SLIT3: variants seen among roughly 807,000 people sequenced by gnomAD.
SLIT3 encodes the protein slit guidance ligand 3.
SLIT3 carries 68 observed loss-of-function variants against 184.0 expected under a neutral mutation model. The ratio of observed to expected loss-of-function variants is 0.37; its 90% CI spans 0.30 to 0.45. SLIT3 has a LOEUF of 0.45. SLIT3 is among the 20% of genes least tolerant of loss of function. The probability of loss-of-function intolerance (pLI) is 1.00; values close to 1 mark genes in which losing one functional copy is unlikely to be tolerated. For missense variants in SLIT3, 1,707 were observed against 2,026.0 expected, an observed-to-expected ratio of 0.84 and a Z score of 3.02; for synonymous variants, 831 against 828.6, an observed-to-expected ratio of 1.00 and a Z score of -0.05.
intron 4 of SLIT3, among the ~76,000 whole-genome samples, chr5:168,884,178 G>T (rs62377161): frequency 0.08 from 12,067 of 150,206 alleles, 620 homozygotes; most frequent in Middle Eastern, 0.12. Context: ...CACTAAGAAC[G>T]CAGGCCTGCT....
chr5:169,060,426 G>C (rs1758140065), intron 4 of SLIT3, among the ~76,000 whole-genome samples: 1 of 150,600 alleles, frequency 6.6e-6, no homozygotes, highest in East Asian at 1.9e-4. Flanking sequence ...AAAAAACACT[G>C]AGAAATAAAT....
chr5:169,061,786 TC>T (rs1456174714), intron 4 of SLIT3, among the ~76,000 whole-genome samples: 3 of 152,132 alleles, frequency 2.0e-5, no homozygotes, highest in Non-Finnish European at 4.4e-5. Context: ...TCATCATTCA[TC>T]TCAGATCATG....
intron 12 of SLIT3, among the ~76,000 whole-genome samples, chr5:168,778,699 G>A (rs1281220037): frequency 6.6e-6 from 1 of 152,220 alleles, no homozygotes; most frequent in East Asian, 1.9e-4. Context: ...CCCTTACTCT[G>A]AGCAGGCCAG....
chr5:169,124,123 C>T (rs1760990658), intron 4 of SLIT3, among the ~76,000 whole-genome samples: 1 of 152,044 alleles, frequency 6.6e-6, no homozygotes, highest in African/African-American at 2.4e-5. Context: ...TGTAAAGGGC[C>T]CCCTTTTTTC....
At position 168,704,340 on chromosome 5, in the gene SLIT3, G is replaced by A. The variant is rs192201272; in HGVS notation, c.2844+3636C>T. Among the ~76,000 whole-genome samples, 329 of 152,188 alleles carry A rather than the reference G, an allele frequency of 2.2e-3. 37 individuals are homozygous for A. Among genetic ancestry groups the A allele is most frequent in the African/African-American group, 7.2e-3 (297 of 41,482 alleles). On this transcript the variant is annotated intron_variant, in intron 26 of 35. Transcript: ENST00000519560. ...TTTGTGAAGTATCTACTGAATCCTG[G>A]CACTGAGGTAGGCAAAGTACACACA... is the stretch of plus-strand genomic sequence containing the variant.
intron 4 of SLIT3, among the ~76,000 whole-genome samples, chr5:168,955,566 G>A (rs1412511852): frequency 2.0e-5 from 3 of 152,184 alleles, no homozygotes; most frequent in Admixed American, 6.5e-5. Flanking sequence ...CAAACCCCAT[G>A]GCCCTGGTGG....
intron 11 of SLIT3, among the ~76,000 whole-genome samples, chr5:168,789,223 C>G (rs1364920561): frequency 7.8e-6 from 1 of 128,022 alleles, no homozygotes; most frequent in Non-Finnish European, 1.5e-5. Context: ...TCTCCTTACA[C>G]CAGAAAGATA....
At chr5:169,250,040 C>T (rs1679450908) in intron 2 of SLIT3, among the ~76,000 whole-genome samples, 1 of 152,198 alleles carries the variant, frequency 6.6e-6, no homozygotes, top group Non-Finnish European at 1.5e-5. Flanking sequence ...GTTTTCTTAG[C>T]TTTCTATAAT....
chr5:168,882,791 CT>C (rs1460992826), intron 5 of SLIT3, among the ~76,000 whole-genome samples: 2 of 152,156 alleles, frequency 1.3e-5, no homozygotes, highest in East Asian at 3.9e-4. Context: ...CCCATGCTCT[CT>C]CAGGAGCCGA....
chr5:169,057,061 T>C (rs553034224), intron 4 of SLIT3, among the ~76,000 whole-genome samples: 1 of 152,366 alleles, frequency 6.6e-6, no homozygotes, highest in Non-Finnish European at 1.5e-5. Context: ...TATATTTCAC[T>C]TTTTGTGGTA....
chr5:169,028,069 G>A (rs1388280707), intron 4 of SLIT3, among the ~76,000 whole-genome samples: 1 of 152,092 alleles, frequency 6.6e-6, no homozygotes, highest in African/African-American at 2.4e-5. Context: ...CGATAAGAAA[G>A]CATTCATTTT....
At chr5:169,175,842 A>C (rs968314410) in intron 4 of SLIT3, among the ~76,000 whole-genome samples, 2 of 152,088 alleles carry the variant, frequency 1.3e-5, no homozygotes, top group African/African-American at 4.8e-5. Context: ...AAGCCTAGAG[A>C]GCTGCTCCTG....
chr5:169,076,622 G>T (rs778006955), intron 4 of SLIT3, among the ~76,000 whole-genome samples: 20 of 152,236 alleles, frequency 1.3e-4, no homozygotes, highest in Middle Eastern at 6.8e-3. Flanking sequence ...GAGAGAGAGG[G>T]TGGAAGAAAT....
intron 4 of SLIT3, among the ~76,000 whole-genome samples, chr5:169,101,158 G>A (rs1409610611): frequency 6.6e-6 from 1 of 152,214 alleles, no homozygotes; most frequent in African/African-American, 2.4e-5. Flanking sequence ...AAACTTGACT[G>A]TCATCTTCTA....
intron 6 of SLIT3, among the ~76,000 whole-genome samples, chr5:168,834,966 A>C (rs1186612440): frequency 6.6e-6 from 1 of 152,168 alleles, no homozygotes; most frequent in Non-Finnish European, 1.5e-5. Context: ...ACACGTGGCA[A>C]TTCACACTGG....
intron 20 of SLIT3, among the ~76,000 whole-genome samples, chr5:168,740,656 C>T (rs1225105457): frequency 6.6e-6 from 1 of 152,150 alleles, no homozygotes; most frequent in Non-Finnish European, 1.5e-5. Flanking sequence ...ACCCTCCACC[C>T]CAGGAAGACG....
intron 4 of SLIT3, among the ~76,000 whole-genome samples, chr5:168,908,897 G>A (rs1398572819): frequency 6.6e-6 from 1 of 152,180 alleles, no homozygotes; most frequent in Non-Finnish European, 1.5e-5. Context: ...ACAGAGAGGT[G>A]CACACCTTAC....
At chr5:169,133,452 G>A (rs1761378913) in intron 4 of SLIT3, among the ~76,000 whole-genome samples, 1 of 152,184 alleles carries the variant, frequency 6.6e-6, no homozygotes, top group Non-Finnish European at 1.5e-5. Flanking sequence ...CATGGGAATT[G>A]GCTTGCCAAC....
chr5:169,180,781 A>G (rs1282023481), intron 4 of SLIT3, among the ~76,000 whole-genome samples: 3 of 152,230 alleles, frequency 2.0e-5, no homozygotes, highest in African/African-American at 7.2e-5. Context: ...AGTGTCACAC[A>G]TAAGGGAAAA....
Sources: gnomAD v4.1 joint callset for allele counts (sites outside exome capture counted in the v4.1 genomes callset) on GRCh38, gnomAD v4.1.1 for gene constraint, MANE v1.5 for transcripts, NCBI Gene and HGNC (gene_info 2026-07-23, HGNC 2026-07-21) for gene names.